Variants in MAPK15 observed in about 807,000 individuals in gnomAD.
The protein encoded by MAPK15 is mitogen-activated protein kinase 15.
In MAPK15, 61 loss-of-function variants were observed where a neutral mutation model predicts 60.8. The ratio of observed to expected loss-of-function variants is 1.00; its 90% CI spans 0.82 to 1.24. The LOEUF (loss-of-function observed/expected upper bound fraction) is 1.24. Ranked by LOEUF, MAPK15 falls within the 50% of genes most tolerant of loss-of-function variation. The pLI is 0.00. For synonymous variants in MAPK15, 356 were observed against 319.9 expected (o/e 1.11, Z -1.21); for missense variants, 808 against 741.1 (o/e 1.09, Z -1.05).
In MAPK15 at chr8:143,721,733, G is replaced by A; in HGVS notation, c.1330-19G>A. The stretch of plus-strand genomic sequence containing the variant: ...CTCCTCTGCACCTTTCAGTGACCCT[G>A]TGACATGGCCCTTCCCAGGTGAAGC... On this transcript the variant is annotated intron_variant, in intron 12 of 13. Coordinates refer to ENST00000338033, the MANE Select transcript of MAPK15 (RefSeq NM_139021.3). The A allele has an allele frequency of 6.2e-7, 1 of 1,613,568 alleles. No homozygotes were observed. The highest frequency in any genetic ancestry group is 8.5e-7 in the Non-Finnish European group (1 of 1,179,846).
Position 143,717,886 on chromosome 8 carries a change from C to T in MAPK15, c.165+94C>T, listed in dbSNP as rs113521726. 4.0e-6 allele frequency: 6 copies of T among 1,492,514 alleles called. No individual in the cohort carries two copies. The African/African-American group carries it at 5.5e-5, about 14-fold the overall frequency. 92.5% of individuals were successfully genotyped at this position (1,492,514 alleles called of 1,614,324 possible). On this transcript the variant is annotated intron_variant, in intron 2 of 13. Transcript: ENST00000338033. ...GGAAGCTCAGGTGGGAGCTGGAGCC[C>T]AGTCATAGCAGATGTTCTGGCCTGT...
rs1818052557 is a variant in MAPK15 at position 143,721,268 on chromosome 8, G to A, written c.1061G>A (p.Arg354Lys). The A allele has an allele frequency of 1.2e-6, 2 of 1,613,236 alleles. No homozygotes were observed. Among genetic ancestry groups the A allele is most frequent in the African/African-American group, 2.7e-5 (2 of 74,996 alleles). ...LECGGSSGTS[R>K]EKGPEGVSPS... ...TGTGGAGGCAGCAGCGGCACCTCGA[G>A]AGAGAAGGGCCCGGAGGGTGTCTCC... The change falls in exon 11 of 14, where the codon AGA (arginine) becomes AAA (lysine). Residue 354 changes from arginine (R) to lysine (K), a missense_variant. By Grantham distance (26) the Arg-to-Lys change is conservative (BLOSUM62 2). Coordinates refer to ENST00000338033, the MANE Select transcript of MAPK15 (RefSeq NM_139021.3).
At position 143,718,994 on chromosome 8, in the gene MAPK15, C is replaced by T. The variant is rs201842849; in HGVS notation, c.419C>T (p.Pro140Leu). 271 of 1,606,742 alleles carry T rather than the reference C, an allele frequency of 1.7e-4. 2 individuals are homozygous for T. The East Asian group carries it at 2.6e-3, about 15-fold the overall frequency. ...CCTCAGCCTGCCTCCTCTCTGCAGC[C>T]GTCCAATGTGCTCCTGGATGCCAAC... ...SGHVVHRDQKPSNVLLDANCT... is the reference protein window; with the variant it reads ...SGHVVHRDQKLSNVLLDANCT... Residue 140 changes from proline (P) to leucine (L), a missense_variant and splice_region_variant, in exon 6 of 14, where the codon CCG (proline) becomes CTG (leucine). By Grantham distance (98) the Pro-to-Leu change is moderately conservative. Coordinates refer to ENST00000338033, the MANE Select transcript of MAPK15 (RefSeq NM_139021.3).
chr8:143,720,175 G>C lies in MAPK15; in HGVS notation c.722-55G>C. ...AGAGATGACTGGCCCCAGATGCCCT[G>C]AGCCGCCCCAGCCGACCAGGCCTGC... On this transcript the variant is annotated intron_variant, in intron 7 of 13. Transcript: ENST00000338033. The surrounding 1 kb of genome is among the most constrained non-coding windows in gnomAD (Gnocchi z 4.6). 6.5e-7 allele frequency: 1 copy of C among 1,542,350 alleles called. No homozygotes were observed. The highest frequency in any genetic ancestry group is 2.0e-4 in the Middle Eastern group (1 of 4,936).
At chr8:143,718,582 A>G (rs1554618925) in intron 4 of MAPK15, 193 bp from the exon 5 acceptor site, 16 of 634,440 alleles carry the variant, frequency 2.5e-5, no homozygotes, top group Non-Finnish European at 3.9e-5. Context: ...CAAAGGCAAC[A>G]TGAAATAAAG....
chr8:143,718,906 G>T lies in MAPK15; in HGVS notation c.417+1G>T. 6.2e-7 allele frequency: 1 copy of T among 1,603,536 alleles called. No individual in the cohort carries two copies. Among genetic ancestry groups the T allele is most frequent in the South Asian group, 1.1e-5 (1 of 89,976 alleles). The stretch of plus-strand genomic sequence containing the variant: ...GCACGTTGTGCACCGGGACCAGAAG[G>T]TGCGGTTCCCCCGCCCCCGCTATGC... On this transcript the variant is annotated splice_donor_variant, in intron 5 of 13. Coordinates refer to ENST00000338033, the MANE Select transcript of MAPK15 (RefSeq NM_139021.3). LOFTEE classifies it high-confidence loss of function.
chr8:143,719,146 T>C lies in MAPK15; in HGVS notation c.571T>C (p.Ser191Pro). 6.5e-7 allele frequency: 1 copy of C among 1,544,988 alleles called. No homozygotes were observed. The highest frequency in any genetic ancestry group is 2.4e-5 in the East Asian group (1 of 40,822). Residue 191 changes from serine to proline, a missense_variant, in exon 6 of 14, where the codon TCT (serine) becomes CCT (proline). Transcript: ENST00000338033. ...GTACCGAGCACCGGAGGTGCTGCTC[T>C]CTTCGCACCGGTAATAGCGAGACAT... is the stretch of plus-strand genomic sequence containing the variant. Reference protein sequence around the residue: ...RWYRAPEVLLSSHRYTLGVDM... With the variant: ...RWYRAPEVLLPSHRYTLGVDM...
At chr8:143,717,631 C>G (rs1265295766) in intron 1 of MAPK15, 63 bp from the exon 2 acceptor site, 2 of 1,383,130 alleles carry the variant, frequency 1.4e-6, no homozygotes, top group African/African-American at 1.4e-5. Context: ...TCTGTAGGGA[C>G]AATCTGGGTG....
rs375630764 is a variant in MAPK15 at position 143,721,325 on chromosome 8, C to T, written c.1118C>T (p.Ala373Val). ...PSQAHLHKPR[A>V]DPQLPSRTPV... is the part of the protein sequence containing the mutation. ...CAGGCACACCTGCACAAACCCAGAG[C>T]CGACCCTCAGCTGCCTTCTAGGACA... is the stretch of plus-strand genomic sequence containing the variant. The change falls in exon 11 of 14, where the codon GCC (alanine) becomes GTC (valine). Residue 373 changes from alanine (A) to valine (V), a missense_variant. Coordinates refer to ENST00000338033, the MANE Select transcript of MAPK15 (RefSeq NM_139021.3). 1.2e-6 allele frequency: 2 copies of T among 1,613,714 alleles called. No individual in the cohort carries two copies.
Position 143,720,921 on chromosome 8 carries a change from C to T in MAPK15, c.918-79C>T, listed in dbSNP as rs1214052623. 1.5e-5 allele frequency: 23 copies of T among 1,580,856 alleles called. No individual in the cohort carries two copies. The highest frequency in any genetic ancestry group is 1.7e-5 in the Non-Finnish European group (20 of 1,162,618). ...GAGCCAGCCCATGAGGGACAGCCCC[C>T]ACAGCAGGGACCCTGCTGTGACGGC... On this transcript the variant is annotated intron_variant, in intron 9 of 13. Coordinates refer to ENST00000338033, the MANE Select transcript of MAPK15 (RefSeq NM_139021.3). The surrounding 1 kb of genome is among the most constrained non-coding windows in gnomAD (Gnocchi z 4.6).
At chr8:143,716,498 G>A (rs1029149001) in intron 1 of MAPK15, 55 bp downstream of exon 1, 19 of 1,539,866 alleles carry the variant, frequency 1.2e-5, no homozygotes, top group Non-Finnish European at 1.7e-5. Flanking sequence ...TCTGCGGAGA[G>A]AGGACCTGCG....
intron 3 of MAPK15, 55 bp from the exon 4 acceptor site, chr8:143,718,157 G>A: frequency 6.2e-7 from 1 of 1,613,298 alleles, no homozygotes; most frequent in South Asian, 1.1e-5. Context: ...GGCCTTCTTG[G>A]GCCCCAGAGC....
chr8:143,717,186 C>A (rs1462139334), intron 1 of MAPK15, among the ~76,000 whole-genome samples: 1 of 151,984 alleles, frequency 6.6e-6, no homozygotes, highest in Non-Finnish European at 1.5e-5. Context: ...ACAAGGCCCA[C>A]CCCTGTGCTG....
Position 143,722,081 on chromosome 8 carries a change from C to T in MAPK15, c.1465C>T (p.Pro489Ser), listed in dbSNP as rs782766429. ...VRVASVQQVPPRLPPEARPGR... is the reference protein window; with the variant it reads ...VRVASVQQVPSRLPPEARPGR... ...GACCCTCAACTGTACACAGGTCCCTCCCCGGCTTCCTCCGGAGGCCCGGCC... is the reference window on the plus strand; with the variant it reads ...GACCCTCAACTGTACACAGGTCCCTTCCCGGCTTCCTCCGGAGGCCCGGCC... Residue 489 changes from proline to serine, a missense_variant, in exon 14 of 14, where the codon CCC becomes TCC. By Grantham distance (74) the Pro-to-Ser change is moderately conservative. Coordinates refer to ENST00000338033, the MANE Select transcript of MAPK15 (RefSeq NM_139021.3). 2.5e-6 allele frequency: 4 copies of T among 1,611,996 alleles called. No individual in the cohort carries two copies. In the African/African-American group the frequency reaches 5.3e-5, roughly 22 times the overall value.
At chr8:143,716,964 G>A (rs1196089271) in intron 1 of MAPK15, among the ~76,000 whole-genome samples, 2 of 152,050 alleles carry the variant, frequency 1.3e-5, no homozygotes, top group African/African-American at 4.8e-5. Flanking sequence ...GTTCGAGGGT[G>A]CCATGGGGGA....
chr8:143,716,504 CT>C, intron 1 of MAPK15, 61 bp downstream of exon 1: 1 of 1,503,690 alleles, frequency 6.7e-7, no homozygotes, highest in Non-Finnish European at 9.0e-7. Flanking sequence ...GAGAGAGGAC[CT>C]GCGGGGCGCG....
intron 10 of MAPK15, 48 bp from the exon 11 acceptor site, chr8:143,721,183 C>T (rs556022564): frequency 1.5e-4 from 235 of 1,593,038 alleles, no homozygotes; most frequent in East Asian, 2.7e-4. Context: ...GACCCCCAAA[C>T]GCCCCATGCC....
At chr8:143,721,718 C>T in intron 12 of MAPK15, 34 bp from the exon 13 acceptor site, 2 of 1,613,232 alleles carry the variant, frequency 1.2e-6, no homozygotes, top group Non-Finnish European at 1.7e-6. Flanking sequence ...CTCCTCTGCA[C>T]CTTTCAGTGA....
Position 143,721,483 on chromosome 8 carries a change from G to A in MAPK15, c.1205-66G>A, listed in dbSNP as rs556439337. The A allele has an allele frequency of 2.5e-5, 41 of 1,612,176 alleles. No individual in the cohort carries two copies. In the East Asian group the frequency reaches 3.8e-4, roughly 15 times the overall value. Reference sequence around the variant, plus strand: ...CTTCTGCCTGTGCTGCCAACTATGCGCAGCATTCGGTTCCTGACCCTGGGG... The same window carrying A: ...CTTCTGCCTGTGCTGCCAACTATGCACAGCATTCGGTTCCTGACCCTGGGG... On this transcript the variant is annotated intron_variant, in intron 11 of 13. Coordinates refer to ENST00000338033, the MANE Select transcript of MAPK15 (RefSeq NM_139021.3).
Sources: gnomAD v4.1 joint callset for allele counts (sites outside exome capture counted in the v4.1 genomes callset) on GRCh38, gnomAD v4.1.1 for gene constraint, Gnocchi (gnomAD v3.1) non-coding constraint, MANE v1.5 for transcripts, NCBI Gene and HGNC (gene_info 2026-07-23, HGNC 2026-07-21) for gene names.